Variants in P3H3 observed in about 807,000 individuals in gnomAD.
P3H3 encodes the protein prolyl 3-hydroxylase 3, also known as gene rich cluster, B.
In P3H3, 64 loss-of-function variants were observed where a neutral mutation model predicts 78.1. The observed-to-expected ratio is 0.82, with a 90% CI of 0.67 to 1.01. The LOEUF is 1.01. P3H3 is among the 50% of genes least tolerant of loss of function. The pLI, the probability that P3H3 is intolerant of heterozygous loss-of-function variation, is 0.00. For missense variants in P3H3, 975 were observed against 982.2 expected, an observed-to-expected ratio of 0.99 and a Z score of 0.10; for synonymous variants, 425 against 416.7, an observed-to-expected ratio of 1.02 and a Z score of -0.24.
intron 9 of P3H3, among the ~76,000 whole-genome samples, chr12:6,836,500 G>T (rs1555122136): frequency 6.6e-6 from 1 of 152,146 alleles, no homozygotes. Flanking sequence ...CAGTTTCTCC[G>T]AGAGCATGTC....
intron 14 of P3H3, 25 bp downstream of exon 14, chr12:6,839,165 G>A: frequency 6.3e-7 from 1 of 1,584,974 alleles, no homozygotes; most frequent in Non-Finnish European, 8.6e-7. Flanking sequence ...AGGAAGGGAT[G>A]TGGTTCTCCT....
Position 6,829,768 on chromosome 12 carries a change from G to GT in P3H3, c.499-90dup. 2 of 1,386,070 alleles carry GT rather than the reference G, an allele frequency of 1.4e-6. No homozygotes were observed. Among genetic ancestry groups the GT allele is most frequent in the Non-Finnish European group, 2.0e-6 (2 of 987,560 alleles). The allele number at this position is 1,386,070 out of a possible 1,614,324, so 85.9% of individuals were successfully genotyped here. A position where few individuals can be genotyped will look rare whatever the true frequency, so the allele number is the denominator to read the frequency against. ...TGAGGCTCTGGGGCACCCAGAGTGT[G>GT]TGTCTGGGGTAGGGTGGGGAGGCTG... is the stretch of plus-strand genomic sequence containing the variant. On this transcript the variant is annotated intron_variant, in intron 1 of 14. Coordinates refer to ENST00000290510, the MANE Select transcript of P3H3 (RefSeq NM_014262.5). This position sits in a 1 kb window ranked among gnomAD's most constrained non-coding sequence, Gnocchi z 5.1.
rs1943539667 is a variant in P3H3, at chr12:6,839,534, G to A, written c.*73G>A. On this transcript the variant is annotated 3_prime_UTR_variant, in exon 15 of 15. Transcript: ENST00000290510. Reference sequence around the variant, plus strand: ...GCCATCTTGATGCCAGGACACACAGGAAGCCCCTGTGTGACATCAGGAGCA... The same window carrying A: ...GCCATCTTGATGCCAGGACACACAGAAAGCCCCTGTGTGACATCAGGAGCA... The A allele has an allele frequency of 6.7e-7, 1 of 1,493,772 alleles. No homozygotes were observed. The highest frequency in any genetic ancestry group is 2.1e-5 in the Admixed American group (1 of 47,216). 92.5% of individuals were successfully genotyped at this position (1,493,772 alleles called of 1,614,324 possible). A position where few individuals can be genotyped will look rare whatever the true frequency, so the allele number is the denominator to read the frequency against.
chr12:6,839,156 G>T lies in P3H3; in HGVS notation c.2046+16G>T. ...CAGGGAGCAGGTAAGGAGCGGGGTA[G>T]GAAGGGATGTGGTTCTCCTGGTGCG... On this transcript the variant is annotated intron_variant, in intron 14 of 14. Transcript: ENST00000290510. The T allele has an allele frequency of 6.3e-7, 1 of 1,588,912 alleles. No homozygotes were observed. The highest frequency in any genetic ancestry group is 8.5e-7 in the Non-Finnish European group (1 of 1,169,782).
At chr12:6,832,640 C>T (rs1005230599) in intron 6 of P3H3, among the ~76,000 whole-genome samples, 2 of 151,882 alleles carry the variant, frequency 1.3e-5, no homozygotes, top group South Asian at 2.1e-4. Flanking sequence ...CTCACTCTGT[C>T]ACCCAGGCTG....
intron 9 of P3H3, among the ~76,000 whole-genome samples, chr12:6,836,373 G>T (rs941145442): frequency 2.0e-5 from 3 of 152,116 alleles, no homozygotes; most frequent in South Asian, 4.1e-4. Context: ...TCAGAAAAGC[G>T]AATAATTCCA....
chr12:6,833,248 T>C (rs1321713374), intron 6 of P3H3, among the ~76,000 whole-genome samples: 1 of 152,204 alleles, frequency 6.6e-6, no homozygotes, highest in Non-Finnish European at 1.5e-5. Context: ...ATCTTGAGCA[T>C]GTTACTTTAC....
chr12:6,830,162 G>A (rs994333137), intron 2 of P3H3, among the ~76,000 whole-genome samples, 151 bp downstream of exon 2: 7 of 152,292 alleles, frequency 4.6e-5, no homozygotes, highest in African/African-American at 1.7e-4. Flanking sequence ...CTAGGACTTC[G>A]TTTCCTTCCT....
chr12:6,831,316 G>A lies in P3H3; in HGVS notation c.1086G>A (p.Gln362=), dbSNP rs1555121391. ...GGGCTCTGAACCAGTACCAGGCCCA[G>A]CTGGGAGAGCCGAGACCTGGCCTCG... The part of the protein sequence containing the change: ...AKRALNQYQA[Q]LGEPRPGLGP... Residue 362 remains glutamine (Q), a synonymous_variant, in exon 5 of 15, where the codon CAG becomes CAA. Coordinates refer to ENST00000290510, the MANE Select transcript of P3H3 (RefSeq NM_014262.5). This position sits in a 1 kb window ranked among gnomAD's most constrained non-coding sequence, Gnocchi z 4.6. The A allele has an allele frequency of 1.2e-6, 2 of 1,613,928 alleles. No homozygotes were observed. The highest frequency in any genetic ancestry group is 1.7e-5 in the Admixed American group (1 of 60,032).
Position 6,831,595 on chromosome 12 carries a change from C to G in P3H3, c.1123-230C>G, listed in dbSNP as rs1555121455. On this transcript the variant is annotated intron_variant, in intron 5 of 14. Transcript: ENST00000290510. The surrounding 1 kb of genome is among the most constrained non-coding windows in gnomAD (Gnocchi z 4.6). ...ACTTCACTCCTGCCTGCCACCAGCC[C>G]CCAAACTCATGCATACACACACCCA... 6.6e-6 allele frequency among the ~76,000 whole-genome samples: 1 copy of G among 152,058 alleles called. No homozygotes were observed. The highest frequency in any genetic ancestry group is 1.5e-5 in the Non-Finnish European group (1 of 68,008).
In P3H3 at chr12:6,828,885, G is replaced by A. The variant is rs1943414940; in HGVS notation, c.445G>A (p.Asp149Asn). Reference protein sequence around the residue: ...ARLRVGSALRDAFRRREPYNY... With the variant: ...ARLRVGSALRNAFRRREPYNY... Reference sequence around the variant, plus strand: ...GCTTCGCGTGGGGAGCGCGCTCCGGGACGCCTTCCGCCGTCGGGAGCCCTA... The same window carrying A: ...GCTTCGCGTGGGGAGCGCGCTCCGGAACGCCTTCCGCCGTCGGGAGCCCTA... Residue 149 changes from aspartate (D) to asparagine (N), a missense_variant, in exon 1 of 15, where the codon GAC (aspartate) becomes AAC (asparagine). Asp to Asn is a conservative substitution (Grantham distance 23). Transcript: ENST00000290510. The A allele has an allele frequency of 4.8e-6, 6 of 1,247,558 alleles. No homozygotes were observed. Among genetic ancestry groups the A allele is most frequent in the Non-Finnish European group, 6.0e-6 (6 of 995,924 alleles). The allele number at this position is 1,247,558 out of a possible 1,614,324, so 77.3% of individuals were successfully genotyped here.
In P3H3 at chr12:6,829,474, C is replaced by T; in HGVS notation, c.499-385C>T. The stretch of plus-strand genomic sequence containing the variant: ...CTACGTGGCTGGGGAAGCGGGGCGC[C>T]GGTTGTACTCACCTCAGCTCAGGGT... On this transcript the variant is annotated intron_variant, in intron 1 of 14. Transcript: ENST00000290510. This position sits in a 1 kb window ranked among gnomAD's most constrained non-coding sequence, Gnocchi z 5.1. The T allele has an allele frequency of 8.4e-6, 2 of 237,442 alleles. No homozygotes were observed. Among genetic ancestry groups the T allele is most frequent in the Non-Finnish European group, 8.2e-6 (1 of 122,416 alleles). The allele number at this position is 237,442 out of a possible 1,614,324, so 14.7% of individuals were successfully genotyped here.
chr12:6,830,764 G>A lies in P3H3; in HGVS notation c.979G>A (p.Ala327Thr). The change falls in exon 4 of 15, where the codon GCT (alanine) becomes ACT (threonine). Residue 327 changes from alanine (A) to threonine (T), a missense_variant. By Grantham distance (58) the Ala-to-Thr change is moderately conservative. Coordinates refer to ENST00000290510, the MANE Select transcript of P3H3 (RefSeq NM_014262.5). Reference sequence around the variant, plus strand: ...GCTGAGGCGGCTACATGAGGCCCATGCTCAGGGTCAGTTGGGGAAGGGTGG... The same window carrying A: ...GCTGAGGCGGCTACATGAGGCCCATACTCAGGGTCAGTTGGGGAAGGGTGG... The part of the protein sequence containing the change: ...NQLRRLHEAH[A>T]QVGNLSQAIE... 1 of 1,613,996 alleles carries A rather than the reference G, an allele frequency of 6.2e-7. No individual in the cohort carries two copies. The highest frequency in any genetic ancestry group is 8.5e-7 in the Non-Finnish European group (1 of 1,179,878).
In P3H3 at chr12:6,828,478, T is replaced by C; in HGVS notation, c.38T>C (p.Leu13Pro). The C allele has an allele frequency of 7.8e-7, 1 of 1,277,130 alleles. No homozygotes were observed. The highest frequency in any genetic ancestry group is 1.5e-5 in the South Asian group (1 of 68,948). 79.1% of individuals were successfully genotyped at this position (1,277,130 alleles called of 1,614,324 possible). A position where few individuals can be genotyped will look rare whatever the true frequency, so the allele number is the denominator to read the frequency against. ...CTCCGGCCGCTGCTGCTACTGCTGC[T>C]GCTGCCTCCCCCGGGGTCCCCTGAG... ...RLLRPLLLLLLLPPPGSPEPP... is the reference protein window; with the variant it reads ...RLLRPLLLLLPLPPPGSPEPP... Residue 13 changes from leucine (L) to proline (P), a missense_variant, in exon 1 of 15, where the codon CTG (leucine) becomes CCG (proline). Physicochemically the swap from Leu to Pro is moderately conservative, Grantham distance 98. Transcript: ENST00000290510.
intron 9 of P3H3, chr12:6,834,782 A>G (rs1555121877): frequency 6.6e-6 from 1 of 152,108 alleles, no homozygotes; most frequent in African/African-American, 2.4e-5. Flanking sequence ...ATAAAAATAC[A>G]AAAAAGTTAG....
chr12:6,837,840 G>A lies in P3H3; in HGVS notation c.1820G>A (p.Arg607Gln), dbSNP rs375496752. The A allele has an allele frequency of 8.7e-5, 140 of 1,609,684 alleles. No homozygotes were observed. The South Asian group carries it at 1.4e-3, about 16-fold the overall frequency. ...CGGGAGCCCCCAGCCTACACCTATC[G>A]GGACTACAGGTGGGCAGCCCCTCTA... The part of the protein sequence containing the change: ...CWREPPAYTY[R>Q]DYSGLLYLND... The change falls in exon 12 of 15, where the codon CGG becomes CAG. Residue 607 changes from arginine (R) to glutamine (Q), a missense_variant. Arg to Gln is a conservative substitution (Grantham distance 43). Coordinates refer to ENST00000290510, the MANE Select transcript of P3H3 (RefSeq NM_014262.5).
rs369176783 is a variant in P3H3, at chr12:6,830,032, C to T, written c.651+21C>T. The T allele has an allele frequency of 1.9e-6, 3 of 1,612,586 alleles. No individual in the cohort carries two copies. The Admixed American group carries it at 5.0e-5, about 27-fold the overall frequency. On this transcript the variant is annotated intron_variant, in intron 2 of 14. Transcript: ENST00000290510. ...ACTGGGTGAGAATCCCAGCACCACC[C>T]CTGTCTTGCCACCAGCCTTTTCCTG...
In P3H3 at chr12:6,828,471, C is replaced by A; in HGVS notation, c.31C>A (p.Leu11Met). MLRLLRPLLL[L>M]LLLPPPGSPE... ...CCGGCTCCTCCGGCCGCTGCTGCTA[C>A]TGCTGCTGCTGCCTCCCCCGGGGTC... Residue 11 changes from leucine to methionine, a missense_variant, in exon 1 of 15, where the codon CTG (leucine) becomes ATG (methionine). Coordinates refer to ENST00000290510, the MANE Select transcript of P3H3 (RefSeq NM_014262.5). The A allele has an allele frequency of 3.3e-6, 4 of 1,225,878 alleles. No individual in the cohort carries two copies. Among genetic ancestry groups the A allele is most frequent in the Non-Finnish European group, 4.4e-6 (4 of 908,328 alleles). The allele number at this position is 1,225,878 out of a possible 1,614,324, so 75.9% of individuals were successfully genotyped here.
chr12:6,829,680 C>A lies in P3H3; in HGVS notation c.499-179C>A. 3.1e-6 allele frequency: 2 copies of A among 646,114 alleles called. No individual in the cohort carries two copies. Among genetic ancestry groups the A allele is most frequent in the South Asian group, 1.8e-5 (1 of 56,866 alleles). 40.0% of individuals were successfully genotyped at this position (646,114 alleles called of 1,614,324 possible). On this transcript the variant is annotated intron_variant, in intron 1 of 14. Coordinates refer to ENST00000290510, the MANE Select transcript of P3H3 (RefSeq NM_014262.5). This position sits in a 1 kb window ranked among gnomAD's most constrained non-coding sequence, Gnocchi z 5.1. ...GGTGCCAGCCTTCTGAGAGTCCCAA[C>A]GTTCTGGCCTCTAGGGGATCTGCAG...
Sources: allele counts gnomAD v4.1 joint callset (sites outside exome capture counted in the v4.1 genomes callset), GRCh38; gene constraint gnomAD v4.1.1; non-coding constraint Gnocchi (gnomAD v3.1); transcripts MANE v1.5; gene names NCBI Gene and HGNC (gene_info 2026-07-23, HGNC 2026-07-21).